Variants in SLC22A23 observed in about 807,000 individuals in gnomAD.
SLC22A23 encodes solute carrier family 22 member 23, also known as ion transporter protein.
In SLC22A23, 26 loss-of-function variants were observed where a neutral mutation model predicts 61.0. The observed-to-expected ratio is 0.43, with a 90% CI of 0.31 to 0.59. The LOEUF is 0.59. SLC22A23 is among the 20% of genes least tolerant of loss of function. SLC22A23 has a pLI of 0.11. For synonymous variants in SLC22A23, 430 were observed against 413.9 expected (o/e 1.04, Z -0.47); for missense variants, 796 against 934.7 (o/e 0.85, Z 1.94).
At chr6:3,361,025 T>A (rs1487604104) in intron 3 of SLC22A23, among the ~76,000 whole-genome samples, 1 of 151,572 alleles carries the variant, frequency 6.6e-6, no homozygotes, top group African/African-American at 2.4e-5. Flanking sequence ...ACATTTTATA[T>A]TCCTGTTGTT....
chr6:3,373,182 C>T (rs536012629), intron 3 of SLC22A23, among the ~76,000 whole-genome samples: 32 of 152,324 alleles, frequency 2.1e-4, no homozygotes, highest in Non-Finnish European at 3.8e-4. Context: ...TGTGACCAGT[C>T]CCACAAAACC....
chr6:3,419,323 C>T (rs193220303), intron 1 of SLC22A23, among the ~76,000 whole-genome samples: 19 of 152,296 alleles, frequency 1.2e-4, no homozygotes, highest in Admixed American at 6.5e-4. Context: ...ATGGGGCAGG[C>T]GCTCACTCAT....
chr6:3,411,367 G>T (rs529100496), intron 2 of SLC22A23, among the ~76,000 whole-genome samples: 1 of 152,146 alleles, frequency 6.6e-6, no homozygotes, highest in Non-Finnish European at 1.5e-5. Context: ...TGAGGGGCTC[G>T]AACTGTCCTA....
intron 1 of SLC22A23, among the ~76,000 whole-genome samples, chr6:3,441,755 A>G (rs1202717655): frequency 1.3e-5 from 2 of 152,138 alleles, no homozygotes; most frequent in African/African-American, 4.8e-5. Flanking sequence ...CCTGTGCCGC[A>G]TGCCAGGGAT....
intron 1 of SLC22A23, among the ~76,000 whole-genome samples, chr6:3,439,876 G>C (rs1475246218): frequency 5.9e-5 from 9 of 152,168 alleles, no homozygotes; most frequent in Admixed American, 5.9e-4. Context: ...GAAGAGCATG[G>C]GGGAACACAG....
At chr6:3,419,009 G>C (rs1432032264) in intron 1 of SLC22A23, among the ~76,000 whole-genome samples, 1 of 152,174 alleles carries the variant, frequency 6.6e-6, no homozygotes, top group African/African-American at 2.4e-5. Context: ...AGGTCACCTG[G>C]CTCTTGAAAT....
intron 1 of SLC22A23, among the ~76,000 whole-genome samples, chr6:3,421,363 A>G (rs1770121875): frequency 6.6e-6 from 1 of 152,188 alleles, no homozygotes; most frequent in East Asian, 1.9e-4. Flanking sequence ...AGAGGTCTCT[A>G]TGCAATGATT....
chr6:3,361,064 C>T (rs1232818380), intron 3 of SLC22A23, among the ~76,000 whole-genome samples: 1 of 145,896 alleles, frequency 6.9e-6, no homozygotes, highest in Non-Finnish European at 1.5e-5. Flanking sequence ...ACCCACCCCC[C>T]CCATTTTATG....
chr6:3,422,061 A>G (rs1770176769), intron 1 of SLC22A23, among the ~76,000 whole-genome samples: 1 of 152,190 alleles, frequency 6.6e-6, no homozygotes, highest in Non-Finnish European at 1.5e-5. Context: ...CGCTGTGCAC[A>G]CTGTCTGTTT....
rs1761277336 is a variant in SLC22A23 at position 3,298,139 on chromosome 6, G to C, written c.1162C>G (p.Gln388Glu). 6.3e-7 allele frequency: 1 copy of C among 1,590,088 alleles called. No individual in the cohort carries two copies. Among genetic ancestry groups the C allele is most frequent in the Admixed American group, 1.8e-5 (1 of 54,810 alleles). Reference protein sequence around the residue: ...SAKRLILHFTQKNRMNPEGDI... With the variant: ...SAKRLILHFTEKNRMNPEGDI... ...CCCTCAGGGTTCATGCGATTCTTCT[G>C]TGTGAAGTGGAGGATCAGCCTCTTT... Residue 388 changes from glutamine to glutamate, a missense_variant, in exon 5 of 10, where the codon CAG becomes GAG. Gln to Glu is a conservative substitution (Grantham distance 29, BLOSUM62 2). Coordinates refer to ENST00000406686, the MANE Select transcript of SLC22A23 (RefSeq NM_015482.2).
chr6:3,295,339 G>C (rs571148134), intron 5 of SLC22A23, among the ~76,000 whole-genome samples: 4 of 152,354 alleles, frequency 2.6e-5, no homozygotes, highest in African/African-American at 9.6e-5. Flanking sequence ...TGTGCACCGG[G>C]AGGGACCTGT....
chr6:3,452,035 C>A (rs909254817), intron 1 of SLC22A23, among the ~76,000 whole-genome samples: 3 of 152,152 alleles, frequency 2.0e-5, no homozygotes, highest in African/African-American at 7.2e-5. Context: ...CATTATAAAA[C>A]AGACTTTGTG....
chr6:3,373,769 G>C (rs1352293736), intron 3 of SLC22A23, among the ~76,000 whole-genome samples: 1 of 152,140 alleles, frequency 6.6e-6, no homozygotes, highest in Non-Finnish European at 1.5e-5. Context: ...ACACACTCAG[G>C]GGACAGTGAC....
chr6:3,284,854 A>G (rs1759824216), intron 8 of SLC22A23: 2 of 1,487,742 alleles, frequency 1.3e-6, no homozygotes, highest in East Asian at 4.9e-5. Flanking sequence ...ATGCGTGCCA[A>G]GCAGCACACA....
At chr6:3,449,411 C>T (rs1772064351) in intron 1 of SLC22A23, among the ~76,000 whole-genome samples, 1 of 152,170 alleles carries the variant, frequency 6.6e-6, no homozygotes, top group African/African-American at 2.4e-5. Context: ...GGTTACAAGT[C>T]ATCCAGAAGG....
In SLC22A23 at chr6:3,269,905, G is replaced by GTTTGT. The variant is rs1261155735; in HGVS notation, c.*3145_*3149dup. 1 of 152,800 alleles carries GTTTGT rather than the reference G, an allele frequency of 6.5e-6. No individual in the cohort carries two copies. The highest frequency in any genetic ancestry group is 2.4e-5 in the African/African-American group (1 of 41,454). The allele number at this position is 152,800 out of a possible 1,614,324, so 9.5% of individuals were successfully genotyped here. A position where few individuals can be genotyped will look rare whatever the true frequency, so the allele number is the denominator to read the frequency against. On this transcript the variant is annotated 3_prime_UTR_variant, in exon 10 of 10. Coordinates refer to ENST00000406686, the MANE Select transcript of SLC22A23 (RefSeq NM_015482.2). ...CTGAGTGTGATACTTCCCTTACGAGGTTTGTTTTTGTTTTCTTTCTGTTCT... is the reference window on the plus strand; with the variant it reads ...CTGAGTGTGATACTTCCCTTACGAGGTTTGTTTTGTTTTTGTTTTCTTTCTGTTCT...
At chr6:3,441,807 T>C (rs1192579151) in intron 1 of SLC22A23, among the ~76,000 whole-genome samples, 11 of 152,200 alleles carry the variant, frequency 7.2e-5, no homozygotes, top group African/African-American at 2.7e-4. Context: ...AGGAGCTCCC[T>C]TCTCCAGGGC....
At chr6:3,282,286 T>C in intron 9 of SLC22A23, 2 of 702,624 alleles carry the variant, frequency 2.8e-6, no homozygotes, top group South Asian at 3.0e-5. Context: ...CTGCAAGCAC[T>C]AAATAAGCTC....
chr6:3,336,494 C>T (rs987730172), intron 3 of SLC22A23, among the ~76,000 whole-genome samples: 1 of 152,250 alleles, frequency 6.6e-6, no homozygotes, highest in South Asian at 2.1e-4. Context: ...TCCATGATTT[C>T]GTCCCAGGCC....
Sources: gnomAD v4.1 joint callset for allele counts (sites outside exome capture counted in the v4.1 genomes callset) on GRCh38, gnomAD v4.1.1 for gene constraint, MANE v1.5 for transcripts, NCBI Gene and HGNC (gene_info 2026-07-23, HGNC 2026-07-21) for gene names.